Variants in TCERG1 observed in about 807,000 individuals in gnomAD.
TCERG1 encodes the protein TATA box binding protein (TBP)-associated factor, RNA polymerase II, S, 150kD.
Under a neutral mutation model 144.7 loss-of-function variants are expected in TCERG1, and 37 were observed. That is an observed-to-expected ratio of 0.26 (90% confidence interval 0.20 to 0.34). The LOEUF (loss-of-function observed/expected upper bound fraction) is 0.34. TCERG1 is among the 10% of genes least tolerant of loss of function. The pLI is 1.00. For synonymous variants in TCERG1, 492 were observed against 458.2 expected, an observed-to-expected ratio of 1.07 and a Z score of -0.94; for missense variants, 1,027 against 1,380.7, an observed-to-expected ratio of 0.74 and a Z score of 4.06.
At chr5:146,509,046 A>G (rs554626456) in intron 21 of TCERG1, 99 bp from the exon 22 acceptor site, 2 of 530,898 alleles carry the variant, frequency 3.8e-6, no homozygotes, top group East Asian at 6.7e-5. Context: ...AAATTTTATT[A>G]TGTGACTTAC....
At chr5:146,502,788 T>A (rs570747695) in intron 17 of TCERG1, among the ~76,000 whole-genome samples, 2 of 152,192 alleles carry the variant, frequency 1.3e-5, no homozygotes, top group Non-Finnish European at 2.9e-5. Flanking sequence ...TTCTCACATA[T>A]CAAGGTGTAC....
At chr5:146,491,763 A>G (rs991502586) in intron 15 of TCERG1, among the ~76,000 whole-genome samples, 2 of 152,136 alleles carry the variant, frequency 1.3e-5, no homozygotes, top group African/African-American at 4.8e-5. Flanking sequence ...TTTAAGAGTC[A>G]GATAATTTGT....
At chr5:146,482,107 T>C (rs1277777363) in intron 13 of TCERG1, 1 of 152,218 alleles carries the variant, frequency 6.6e-6, no homozygotes, top group Non-Finnish European at 1.5e-5. Context: ...TGTTTGAGAT[T>C]ACTAAAACAT....
chr5:146,495,216 AT>A (rs1766777331), intron 16 of TCERG1, among the ~76,000 whole-genome samples: 1 of 152,112 alleles, frequency 6.6e-6, no homozygotes, highest in Non-Finnish European at 1.5e-5. Flanking sequence ...TGGATTTCAG[AT>A]TTTTTAAAAA....
intron 17 of TCERG1, 24 bp from the exon 18 acceptor site, chr5:146,503,351 C>A: frequency 6.2e-7 from 1 of 1,602,960 alleles, no homozygotes; most frequent in South Asian, 1.1e-5. Flanking sequence ...TCCCTCCCAT[C>A]CCACTACCTG....
chr5:146,476,560 A>G (rs1338272462), intron 9 of TCERG1, among the ~76,000 whole-genome samples: 1 of 152,136 alleles, frequency 6.6e-6, no homozygotes. Flanking sequence ...TTTAAAAAAA[A>G]TAATTATGGA....
At chr5:146,504,171 G>T in intron 19 of TCERG1, 165 bp downstream of exon 19, 1 of 639,430 alleles carries the variant, frequency 1.6e-6, no homozygotes, top group Non-Finnish European at 2.3e-6. Context: ...GTTAGTATAG[G>T]AAAAAACCCA....
At chr5:146,472,774 T>C (rs1764461582) in intron 9 of TCERG1, among the ~76,000 whole-genome samples, 1 of 150,430 alleles carries the variant, frequency 6.6e-6, no homozygotes, top group Non-Finnish European at 1.5e-5. Flanking sequence ...AGTGCAGTGG[T>C]GCGATCTTGG....
intron 2 of TCERG1, among the ~76,000 whole-genome samples, chr5:146,456,797 A>G (rs1435959028): frequency 6.6e-6 from 1 of 152,248 alleles, no homozygotes; most frequent in Admixed American, 6.5e-5. Context: ...ATTTTTATGC[A>G]CAGTGAAAAC....
At chr5:146,510,027 A>G in intron 22 of TCERG1, 1 of 1,283,986 alleles carries the variant, frequency 7.8e-7, no homozygotes, top group South Asian at 1.2e-5. Flanking sequence ...TGGGCTTTTA[A>G]ATTAGATGTG....
At chr5:146,454,847 C>G (rs938881893) in intron 1 of TCERG1, among the ~76,000 whole-genome samples, 1 of 152,158 alleles carries the variant, frequency 6.6e-6, no homozygotes, top group African/African-American at 2.4e-5. Context: ...ATCCACCTGC[C>G]TTGACCTCCC....
intron 15 of TCERG1, among the ~76,000 whole-genome samples, chr5:146,489,865 A>G (rs10058059): frequency 0.25 from 37,289 of 152,082 alleles, 5,690 homozygotes; most frequent in East Asian, 0.83. Flanking sequence ...AGCGTATTGG[A>G]AAGCATGACA....
intron 10 of TCERG1, among the ~76,000 whole-genome samples, chr5:146,478,937 G>A (rs1765092016): frequency 6.6e-6 from 1 of 152,050 alleles, no homozygotes; most frequent in Admixed American, 6.6e-5. Context: ...TGCTTGCTTA[G>A]TGCTTATCAA....
intron 17 of TCERG1, 139 bp from the exon 18 acceptor site, chr5:146,503,236 A>G (rs1243939756): frequency 1.5e-6 from 1 of 688,290 alleles, no homozygotes; most frequent in Non-Finnish European, 2.3e-6. Context: ...TTCTACTCTA[A>G]ATGCCTATAT....
At chr5:146,470,095 GA>G (rs1561656198) in intron 7 of TCERG1, among the ~76,000 whole-genome samples, 2 of 152,190 alleles carry the variant, frequency 1.3e-5, no homozygotes, top group Admixed American at 6.5e-5. Flanking sequence ...GTGTTCTGAA[GA>G]AAAAAATTTA....
chr5:146,479,716 A>G, intron 10 of TCERG1, 139 bp from the exon 11 acceptor site: 1 of 760,530 alleles, frequency 1.3e-6, no homozygotes, highest in Non-Finnish European at 2.1e-6. Context: ...GGAAGTGTAG[A>G]ATTATGCTTT....
intron 16 of TCERG1, among the ~76,000 whole-genome samples, chr5:146,497,508 T>C (rs1341000149): frequency 1.3e-5 from 2 of 152,228 alleles, no homozygotes; most frequent in Non-Finnish European, 2.9e-5. Context: ...TTGGGTTTGG[T>C]TTCTATTGAC....
intron 2 of TCERG1, among the ~76,000 whole-genome samples, chr5:146,456,479 A>G (rs1049177275): frequency 5.3e-5 from 8 of 152,192 alleles, no homozygotes; most frequent in Admixed American, 2.0e-4. Flanking sequence ...ATTAAGTCCA[A>G]GTGATTTTCA....
rs1025308477 is a variant in TCERG1 at position 146,509,057 on chromosome 5, A to G, written c.3046-88A>G. The G allele has an allele frequency of 9.2e-6, 6 of 651,972 alleles. No homozygotes were observed. In the Admixed American group the frequency reaches 1.9e-4, roughly 21 times the overall value. The allele number at this position is 651,972 out of a possible 1,614,324, so 40.4% of individuals were successfully genotyped here. The stretch of plus-strand genomic sequence containing the variant: ...TTTTAAATTTTATTATGTGACTTAC[A>G]CATTACTGTTTAATAAATAATTGAT... On this transcript the variant is annotated intron_variant, in intron 21 of 22. Coordinates refer to ENST00000679501, the MANE Select transcript of TCERG1 (RefSeq NM_001382548.1).
Sources: gnomAD v4.1 joint callset for allele counts (sites outside exome capture counted in the v4.1 genomes callset) on GRCh38, gnomAD v4.1.1 for gene constraint, MANE v1.5 for transcripts, NCBI Gene and HGNC (gene_info 2026-07-23, HGNC 2026-07-21) for gene names.